UGT2B7: variants seen among roughly 807,000 people sequenced by gnomAD.
UGT2B7 encodes UDP glucuronosyltransferase family 2 member B7.
Under a neutral mutation model 51.9 loss-of-function variants are expected in UGT2B7, and 51 were observed. The ratio of observed to expected loss-of-function variants is 0.98; its 90% CI spans 0.78 to 1.24. The LOEUF (loss-of-function observed/expected upper bound fraction) is 1.24. UGT2B7 is among the 50% of genes most tolerant of loss of function. The probability of loss-of-function intolerance (pLI) is 0.00; values close to 1 mark genes in which losing one functional copy is unlikely to be tolerated. For synonymous variants in UGT2B7, 225 were observed against 211.6 expected (o/e 1.06, Z -0.55); for missense variants, 727 against 628.4 (o/e 1.16, Z -1.68).
chr4:69,059,355 C>T (rs116709931), intron 1 of UGT2B7, among the ~76,000 whole-genome samples: 150 of 152,264 alleles, frequency 9.9e-4, no homozygotes, highest in African/African-American at 3.3e-3. Context: ...GAATTCTCAT[C>T]CCAAATGGTT....
At chr4:69,098,313 A>G (rs1457569215) in intron 1 of UGT2B7, among the ~76,000 whole-genome samples, 2 of 152,100 alleles carry the variant, frequency 1.3e-5, no homozygotes, top group African/African-American at 2.4e-5. Flanking sequence ...TTAGAGATGT[A>G]GCTTAACCTC....
chr4:69,056,523 A>G lies in UGT2B7; in HGVS notation c.-159+4921A>G, dbSNP rs116196354. On this transcript the variant is annotated intron_variant, in intron 1 of 5. Transcript: ENST00000502942. Reference sequence around the variant, plus strand: ...AGGACAAGTAGTTGAGGATATAGTTAAAGACATAACAAAACTGGCACATGT... The same window carrying G: ...AGGACAAGTAGTTGAGGATATAGTTGAAGACATAACAAAACTGGCACATGT... Among the ~76,000 whole-genome samples the G allele has an allele frequency of 5.7e-3, 872 of 152,348 alleles. 11 individuals carry two copies. The highest frequency in any genetic ancestry group is 0.02 in the African/African-American group (842 of 41,572).
rs1718122762 is a variant in UGT2B7, at chr4:69,054,231, TG to T, written c.-159+2631del. Among the ~76,000 whole-genome samples, 13 of 150,774 alleles carry T rather than the reference TG, an allele frequency of 8.6e-5. 2 individuals carry two copies. Among genetic ancestry groups the T allele is most frequent in the Admixed American group, 7.9e-4 (12 of 15,156 alleles). ...GTCTGTGTGTCAGAAAAGAAAAAAA[TG>T]GCAGTTGGAGTTTTAACTCAGACTG... is the stretch of plus-strand genomic sequence containing the variant. On this transcript the variant is annotated intron_variant, in intron 1 of 5. Coordinates refer to the UGT2B7 transcript ENST00000502942.
At chr4:69,107,369 A>G in intron 4 of UGT2B7, 107 bp downstream of exon 4, 1 of 1,275,324 alleles carries the variant, frequency 7.8e-7, no homozygotes, top group Admixed American at 2.6e-5. Context: ...GAAAAACAAA[A>G]TGTAACTTCT....
chr4:69,077,392 G>A (rs1718732502), intron 1 of UGT2B7, among the ~76,000 whole-genome samples: 1 of 151,894 alleles, frequency 6.6e-6, no homozygotes, highest in Non-Finnish European at 1.5e-5. Flanking sequence ...CCATTTTCAC[G>A]ATATTGATTC....
In UGT2B7 at chr4:69,107,209, C is replaced by T. The variant is rs752827623; in HGVS notation, c.1037C>T (p.Thr346Ile). Reference sequence around the variant, plus strand: ...AGATTTGATGGGAATAAACCAGATACCTTAGGTCTCAATACTCGGCTCTAC... The same window carrying T: ...AGATTTGATGGGAATAAACCAGATATCTTAGGTCTCAATACTCGGCTCTAC... ...LWRFDGNKPD[T>I]LGLNTRLYKW... The change falls in exon 4 of 6, where the codon ACC becomes ATC. Residue 346 changes from threonine to isoleucine, a missense_variant. Transcript: ENST00000305231. 15 of 1,609,268 alleles carry T rather than the reference C, an allele frequency of 9.3e-6. No individual in the cohort carries two copies. The Admixed American group carries it at 1.3e-4, about 14-fold the overall frequency.
At chr4:69,100,459 C>T (rs1326589359) in intron 2 of UGT2B7, among the ~76,000 whole-genome samples, 1 of 152,004 alleles carries the variant, frequency 6.6e-6, no homozygotes, top group Non-Finnish European at 1.5e-5. Context: ...TTTTTGTCTA[C>T]ATAAAACTGA....
chr4:69,087,771 A>G (rs1718995066), intron 1 of UGT2B7, among the ~76,000 whole-genome samples: 1 of 151,842 alleles, frequency 6.6e-6, no homozygotes, highest in East Asian at 1.9e-4. Context: ...CTTGCTCACA[A>G]GTTGATTTAT....
intron 1 of UGT2B7, among the ~76,000 whole-genome samples, chr4:69,072,537 A>G (rs577623783): frequency 8.5e-4 from 129 of 152,318 alleles, no homozygotes; most frequent in African/African-American, 3.0e-3. Context: ...TAAAAGATAA[A>G]ACAAATATGC....
chr4:69,109,230 C>T (rs1434776596), intron 5 of UGT2B7, among the ~76,000 whole-genome samples: 1 of 152,002 alleles, frequency 6.6e-6, no homozygotes, highest in African/African-American at 2.4e-5. Context: ...TTTGCATAAA[C>T]ATGTTTTCCT....
chr4:69,095,701 G>A (rs957029320), upstream of UGT2B7, among the ~76,000 whole-genome samples: 1 of 152,002 alleles, frequency 6.6e-6, no homozygotes, highest in Non-Finnish European at 1.5e-5. Context: ...CTTTATCTTT[G>A]ATTACTTTAA....
At chr4:69,104,186 C>A (rs1205863800) in intron 3 of UGT2B7, among the ~76,000 whole-genome samples, 1 of 152,066 alleles carries the variant, frequency 6.6e-6, no homozygotes, top group African/African-American at 2.4e-5. Context: ...ACTCGGGAGG[C>A]TGGGGCAGGA....
At chr4:69,090,419 CA>C (rs1174437568) in intron 2 of UGT2B7, among the ~76,000 whole-genome samples, 1 of 151,860 alleles carries the variant, frequency 6.6e-6, no homozygotes, top group Non-Finnish European at 1.5e-5. Flanking sequence ...TAAAGACAAA[CA>C]AAATTCAACA....
intron 1 of UGT2B7, among the ~76,000 whole-genome samples, chr4:69,087,669 ACT>A (rs1403810762): frequency 4.0e-5 from 6 of 150,504 alleles, no homozygotes; most frequent in Non-Finnish European, 8.9e-5. Context: ...AAATGTTATC[ACT>A]CTTTCAGGTT....
intron 1 of UGT2B7, among the ~76,000 whole-genome samples, chr4:69,086,099 A>C (rs368981744): frequency 2.0e-5 from 3 of 151,612 alleles, no homozygotes; most frequent in South Asian, 4.1e-4. Context: ...TGTTTATTTA[A>C]GATATTTCTG....
chr4:69,089,329 G>A (rs995058737), intron 1 of UGT2B7: 4 of 152,154 alleles, frequency 2.6e-5, no homozygotes, highest in Admixed American at 2.6e-4. Context: ...CTTTCTTGTA[G>A]AGACTGGCAG....
chr4:69,102,771 T>C (rs373351481), intron 2 of UGT2B7, 36 bp from the exon 3 acceptor site: 3 of 1,606,586 alleles, frequency 1.9e-6, no homozygotes, highest in African/African-American at 2.7e-5. Context: ...GCTGTGCTAA[T>C]ACTCTTTTGT....
At chr4:69,098,979 A>G (rs1208681685) in intron 2 of UGT2B7, among the ~76,000 whole-genome samples, 1 of 152,024 alleles carries the variant, frequency 6.6e-6, no homozygotes, top group Non-Finnish European at 1.5e-5. Context: ...CCAATCAAAT[A>G]ATATTTACAA....
At chr4:69,098,490 T>G in intron 1 of UGT2B7, 50 bp from the exon 2 acceptor site, 3 of 1,569,732 alleles carry the variant, frequency 1.9e-6, no homozygotes, top group Non-Finnish European at 2.6e-6. Context: ...GAAATTTACC[T>G]AAAGTAATTA....
Sources: gnomAD v4.1 joint callset for allele counts (sites outside exome capture counted in the v4.1 genomes callset) on GRCh38, gnomAD v4.1.1 for gene constraint, MANE v1.5 for transcripts, NCBI Gene and HGNC (gene_info 2026-07-23, HGNC 2026-07-21) for gene names.